PLCH2: variants seen among roughly 807,000 people sequenced by gnomAD.
PLCH2 encodes 1-phosphatidylinositol 4,5-bisphosphate phosphodiesterase eta-2.
A neutral mutation model predicts 134.7 loss-of-function variants in PLCH2; 98 were observed. That is an observed-to-expected ratio of 0.73 (90% CI 0.62 to 0.86). PLCH2 has a LOEUF of 0.86. PLCH2 is among the 40% of genes least tolerant of loss of function. PLCH2 has a pLI of 0.00. For synonymous variants in PLCH2, 974 were observed against 827.5 expected (o/e 1.18, Z -3.04); for missense variants, 1,994 against 1,986.6 (o/e 1.00, Z -0.07).
intron 11 of PLCH2, chr1:2,492,310 T>C (rs1642630854): frequency 6.6e-6 from 1 of 152,246 alleles, no homozygotes; most frequent in Non-Finnish European, 1.5e-5. Flanking sequence ...TGCAGGTGGC[T>C]CTTGCAGGGC....
At chr1:2,502,619 C>T (rs976793874) in intron 21 of PLCH2, 15 of 688,208 alleles carry the variant, frequency 2.2e-5, no homozygotes, top group South Asian at 4.8e-5. Context: ...CCAGCAGCCC[C>T]GGGCCCGGGC....
Position 2,448,393 on chromosome 1 carries a change from G to A in PLCH2, c.115+17764G>A, listed in dbSNP as rs918856192. On this transcript the variant is annotated intron_variant, in intron 2 of 3. Coordinates refer to the PLCH2 transcript ENST00000609981. The surrounding 1 kb of genome is among the most constrained non-coding windows in gnomAD (Gnocchi z 4.0). ...CTCTGGCGTCCCTTGGGTTGTGGCCGCCTCCTGCTTCTGCCTGTCTTCCCT... is the reference window on the plus strand; with the variant it reads ...CTCTGGCGTCCCTTGGGTTGTGGCCACCTCCTGCTTCTGCCTGTCTTCCCT... Among the ~76,000 whole-genome samples, 5 of 152,074 alleles carry A rather than the reference G, an allele frequency of 3.3e-5. No individual in the cohort carries two copies. The highest frequency in any genetic ancestry group is 2.1e-4 in the South Asian group (1 of 4,824).
At chr1:2,503,500 G>C in intron 21 of PLCH2, 1 of 652,182 alleles carries the variant, frequency 1.5e-6, no homozygotes, top group Non-Finnish European at 2.8e-6. Flanking sequence ...CCACTAGAAG[G>C]GTGTCTCCTT....
Position 2,498,531 on chromosome 1 carries a change from A to G in PLCH2, c.2233A>G (p.Asn745Asp). The change falls in exon 17 of 22, where the codon AAC (asparagine) becomes GAC (aspartate). Residue 745 changes from asparagine (N) to aspartate (D), a missense_variant. Transcript: ENST00000378486. This position sits in a 1 kb window ranked among gnomAD's most constrained non-coding sequence, Gnocchi z 5.4. Reference protein sequence around the residue: ...KPGCMCQGVFNPNSEDPLPGQ... With the variant: ...KPGCMCQGVFDPNSEDPLPGQ... ...CCCCGGCATCCCCTCAGGCGTGTTC[A>G]ACCCCAACTCGGAGGACCCCCTGCC... 3 of 1,608,054 alleles carry G rather than the reference A, an allele frequency of 1.9e-6. No individual in the cohort carries two copies. The highest frequency in any genetic ancestry group is 2.5e-6 in the Non-Finnish European group (3 of 1,178,968).
upstream of PLCH2, among the ~76,000 whole-genome samples, chr1:2,467,262 C>T (rs1252674903): frequency 3.3e-5 from 5 of 152,172 alleles, no homozygotes; most frequent in Non-Finnish European, 1.5e-5. Flanking sequence ...AGCCAACCCG[C>T]CTCCCCTTCT....
At chr1:2,440,594 T>G (rs112988888) in intron 2 of PLCH2, among the ~76,000 whole-genome samples, 63 of 18,506 alleles carry the variant, frequency 3.4e-3, no homozygotes, top group African/African-American at 0.01. Context: ...CTGCGACCAG[T>G]GATCCTCTCT....
At chr1:2,493,506 C>T (rs900191334) in intron 11 of PLCH2, 1 of 152,270 alleles carries the variant, frequency 6.6e-6, no homozygotes, top group African/African-American at 2.4e-5. Context: ...TGCTGCAGTG[C>T]ACGTGGGGCC....
At chr1:2,479,575 C>T (rs914311023) in intron 2 of PLCH2, 159 bp from the exon 3 acceptor site, 1 of 667,190 alleles carries the variant, frequency 1.5e-6, no homozygotes, top group South Asian at 1.9e-5. Context: ...CGCAGATCTT[C>T]ACCCTTGGTT....
rs754831222 is a variant in PLCH2 at position 2,502,417 on chromosome 1, G to A, written c.2959+8G>A. Reference sequence around the variant, plus strand: ...GCAGCGGCAGCCCCCGAGGTAAGGCGCCAGCTGCGGTGGCAGAGAAGAGCC... The same window carrying A: ...GCAGCGGCAGCCCCCGAGGTAAGGCACCAGCTGCGGTGGCAGAGAAGAGCC... On this transcript the variant is annotated splice_region_variant and intron_variant, in intron 21 of 21. Coordinates refer to ENST00000378486, the MANE Select transcript of PLCH2 (RefSeq NM_014638.4). The A allele has an allele frequency of 1.6e-5, 24 of 1,543,898 alleles. No homozygotes were observed. Among genetic ancestry groups the A allele is most frequent in the South Asian group, 3.6e-5 (3 of 83,966 alleles).
rs1469604105 is a variant in PLCH2 at position 2,502,344 on chromosome 1, C to A, written c.2894C>A (p.Pro965His). The A allele has an allele frequency of 7.8e-6, 12 of 1,536,520 alleles. No individual in the cohort carries two copies. The highest frequency in any genetic ancestry group is 1.1e-5 in the Non-Finnish European group (12 of 1,142,640). The change falls in exon 21 of 22, where the codon CCC becomes CAC. Residue 965 changes from proline to histidine, a missense_variant. Around this residue, in one of 2 missense-constraint regions of PLCH2, gnomAD observed 900 missense variants for 752.3 expected, o/e 1.20. Coordinates refer to ENST00000378486, the MANE Select transcript of PLCH2 (RefSeq NM_014638.4). ...AAGGGGGTGGCAGACGATGTGGTGCCCCCCGGGCCCGGACCTGCTCCGGAA... is the reference window on the plus strand; with the variant it reads ...AAGGGGGTGGCAGACGATGTGGTGCACCCCGGGCCCGGACCTGCTCCGGAA... ...GSKGVADDVV[P>H]PGPGPAPEAP...
chr1:2,417,873 C>T, the PLCH2 span, among the ~76,000 whole-genome samples: 2 of 152,198 alleles, frequency 1.3e-5, no homozygotes, highest in Non-Finnish European at 2.9e-5. Context: ...GCTTCCTCAC[C>T]TGTCAAGTGG....
chr1:2,485,158 G>A (rs1642222415), intron 5 of PLCH2, among the ~76,000 whole-genome samples: 1 of 152,204 alleles, frequency 6.6e-6, no homozygotes, highest in African/African-American at 2.4e-5. Context: ...AGAGGGGCAT[G>A]CTCAGCCCTT....
At position 2,479,819 on chromosome 1, in the gene PLCH2, C is replaced by T. The variant is rs773605621; in HGVS notation, c.357C>T (p.Asn119=). Reference sequence around the variant, plus strand: ...ACCCTGACGGCAGCTTCGACCCCAACTGCTGCTTCAGCATCTACCACGGCA... The same window carrying T: ...ACCCTGACGGCAGCTTCGACCCCAATTGCTGCTTCAGCATCTACCACGGCA... ...QRYPDGSFDP[N]CCFSIYHGSH... Residue 119 remains asparagine (N), a synonymous_variant, in exon 3 of 22, where the codon AAC becomes AAT. Transcript: ENST00000378486. 67 of 1,604,104 alleles carry T rather than the reference C, an allele frequency of 4.2e-5. No homozygotes were observed. In the Middle Eastern group the frequency reaches 5.0e-4, roughly 12 times the overall value.
intron 1 of PLCH2, among the ~76,000 whole-genome samples, chr1:2,428,009 C>CTG (rs1384000549): frequency 6.6e-6 from 1 of 152,170 alleles, no homozygotes; most frequent in Non-Finnish European, 1.5e-5. Flanking sequence ...ATCTGCTGGT[C>CTG]TGTGTGTGGT....
Position 2,476,706 on chromosome 1 carries a change from C to G in PLCH2, c.118C>G (p.Pro40Ala). The G allele has an allele frequency of 6.2e-7, 1 of 1,606,568 alleles. No homozygotes were observed. Among genetic ancestry groups the G allele is most frequent in the Non-Finnish European group, 8.5e-7 (1 of 1,177,464 alleles). ...VVLSSEWQLG[P>A]LVERCMGAMQ... Reference sequence around the variant, plus strand: ...GCTGTCTTCAGAGTGGCAGCTCGGCCCCCTGGGTAAGAAGGGGCAGGCGAG... The same window carrying G: ...GCTGTCTTCAGAGTGGCAGCTCGGCGCCCTGGGTAAGAAGGGGCAGGCGAG... The change falls in exon 1 of 22, where the codon CCC becomes GCC. Residue 40 changes from proline (P) to alanine (A), a missense_variant. This residue lies in a region of PLCH2 where 1,094 missense variants were observed against 1,234.3 expected (regional missense o/e 0.89). Transcript: ENST00000378486.
chr1:2,458,353 G>A, intron 2 of PLCH2, among the ~76,000 whole-genome samples: 1 of 152,162 alleles, frequency 6.6e-6, no homozygotes, highest in Non-Finnish European at 1.5e-5. Context: ...CCTGGAGCAG[G>A]GCACTAGCAG....
intron 20 of PLCH2, chr1:2,500,294 C>T (rs568524363): frequency 2.4e-4 from 38 of 159,346 alleles, no homozygotes; most frequent in Non-Finnish European, 4.6e-4. Context: ...CTGCTGGCTG[C>T]AGCTGGCCCT....
chr1:2,459,843 C>A (rs1004097342), intron 2 of PLCH2, among the ~76,000 whole-genome samples: 12 of 152,232 alleles, frequency 7.9e-5, no homozygotes, highest in Non-Finnish European at 2.9e-5. Flanking sequence ...CGGCCGTGGA[C>A]GGCGGGCAGT....
In PLCH2 at chr1:2,439,541, T is replaced by C. The variant is rs910728701; in HGVS notation, c.115+8912T>C. On this transcript the variant is annotated intron_variant, in intron 2 of 3. Transcript: ENST00000609981. The surrounding 1 kb of genome is among the most constrained non-coding windows in gnomAD (Gnocchi z 4.7). Reference sequence around the variant, plus strand: ...ACTTTCTAAATTTAGCTGCTGAGGATTGCACGTTTACCCGATTAAGCCCAT... The same window carrying C: ...ACTTTCTAAATTTAGCTGCTGAGGACTGCACGTTTACCCGATTAAGCCCAT... Among the ~76,000 whole-genome samples, 4 of 152,260 alleles carry C rather than the reference T, an allele frequency of 2.6e-5. No individual in the cohort carries two copies. The highest frequency in any genetic ancestry group is 9.6e-5 in the African/African-American group (4 of 41,470).
Sources: gnomAD v4.1 joint callset for allele counts (sites outside exome capture counted in the v4.1 genomes callset) on GRCh38, gnomAD v4.1.1 for gene constraint, gnomAD v4.1.1 regional missense constraint, Gnocchi (gnomAD v3.1) non-coding constraint, MANE v1.5 for transcripts, NCBI Gene and HGNC (gene_info 2026-07-23, HGNC 2026-07-21) for gene names.